Variants in MTMR8 observed in about 807,000 individuals in gnomAD.
MTMR8 encodes the protein phosphatidylinositol-3,5-bisphosphate 3-phosphatase MTMR8.
Under a neutral mutation model 39.3 loss-of-function variants are expected in MTMR8, and 65 were observed. That is an observed-to-expected ratio of 1.65 (90% confidence interval 1.35 to 2.03). The LOEUF (loss-of-function observed/expected upper bound fraction) is 2.03, where lower values mean the gene tolerates loss of function less well. Among genes scored for constraint, MTMR8 ranks in the 30% most tolerant of loss-of-function variants. MTMR8 has a pLI of 0.00. For missense variants in MTMR8, 777 were observed against 538.9 expected (o/e 1.44, Z -4.37); for synonymous variants, 245 against 185.2 (o/e 1.32, Z -2.62).
intron 1 of MTMR8, among the ~76,000 whole-genome samples, chrX:64,375,285 G>A (rs1472113925): frequency 9.1e-6 from 1 of 109,481 alleles, no homozygotes; most frequent in East Asian, 2.9e-4. Context: ...AGCTTGGGAG[G>A]CAGAGACTGC....
chrX:64,339,394 G>C (rs1923159161), intron 8 of MTMR8, among the ~76,000 whole-genome samples: 1 of 111,446 alleles, frequency 9.0e-6, no homozygotes, highest in Non-Finnish European at 1.9e-5. Context: ...GGTCAAAATA[G>C]AGTGAAGACT....
chrX:64,337,374 G>A lies in MTMR8; in HGVS notation c.995C>T (p.Ala332Val). The A allele has an allele frequency of 8.3e-7, 1 of 1,209,318 alleles. No homozygotes were observed. The highest frequency in any genetic ancestry group is 3.0e-5 in the East Asian group (1 of 33,694). Residue 332 changes from alanine to valine, a missense_variant, in exon 9 of 14, where the codon GCC (alanine) becomes GTC (valine). Coordinates refer to ENST00000374852, the MANE Select transcript of MTMR8 (RefSeq NM_017677.4). ...FITKAVKVEKASVLVHCSDGW... is the reference protein window; with the variant it reads ...FITKAVKVEKVSVLVHCSDGW... ...ATCAGAACAATGGACTAAGACACTG[G>A]CCTTTTCTACCTTCACTGCCTGTGA...
At chrX:64,280,867 A>T (rs1322253255) in intron 12 of MTMR8, among the ~76,000 whole-genome samples, 2 of 111,516 alleles carry the variant, frequency 1.8e-5, no homozygotes, top group Non-Finnish European at 1.9e-5. Flanking sequence ...ATACAAAATC[A>T]ATGTGCAAAA....
chrX:64,391,606 A>G (rs902036585), intron 1 of MTMR8, among the ~76,000 whole-genome samples: 6 of 112,190 alleles, frequency 5.3e-5, no homozygotes, highest in Non-Finnish European at 9.4e-5. Flanking sequence ...TTGACTCCCA[A>G]TGTGATATTC....
chrX:64,350,979 A>G (rs780920267), intron 4 of MTMR8, among the ~76,000 whole-genome samples: 25 of 111,900 alleles, frequency 2.2e-4, no homozygotes, highest in Non-Finnish European at 3.8e-4. Flanking sequence ...AAAGGTAGAT[A>G]AGATTAAGAA....
In MTMR8 at chrX:64,348,234, A is replaced by G. The variant is rs754229335; in HGVS notation, c.732+426T>C. Among the ~76,000 whole-genome samples the G allele has an allele frequency of 4.5e-5, 5 of 111,085 alleles. No individual in the cohort carries two copies. The South Asian group carries it at 1.9e-3, about 42-fold the overall frequency. ...TTTGGGAGAACCAAAGTATTATTAA[A>G]TTACTGTGGCCTAACACATTTATAG... On this transcript the variant is annotated intron_variant, in intron 6 of 13. Coordinates refer to ENST00000374852, the MANE Select transcript of MTMR8 (RefSeq NM_017677.4).
At chrX:64,274,524 A>G (rs1340400834) in intron 12 of MTMR8, among the ~76,000 whole-genome samples, 2 of 111,824 alleles carry the variant, frequency 1.8e-5, no homozygotes, top group Non-Finnish European at 3.8e-5. Flanking sequence ...AAAATTAAAA[A>G]TAGAACTACC....
At chrX:64,330,376 G>T (rs943861982) in intron 11 of MTMR8, among the ~76,000 whole-genome samples, 15 of 111,338 alleles carry the variant, frequency 1.3e-4, no homozygotes, top group African/African-American at 4.6e-4. Flanking sequence ...TACAAATGTT[G>T]AAACAGAAAG....
intron 12 of MTMR8, among the ~76,000 whole-genome samples, chrX:64,281,965 T>C (rs560032452): frequency 9.3e-6 from 1 of 107,388 alleles, no homozygotes; most frequent in Admixed American, 9.9e-5. Flanking sequence ...AACAAACATA[T>C]GAAAGAAAGC....
At chrX:64,362,106 T>C (rs781485645) in intron 1 of MTMR8, among the ~76,000 whole-genome samples, 1 of 109,944 alleles carries the variant, frequency 9.1e-6, no homozygotes, top group South Asian at 3.9e-4. Flanking sequence ...ATCTAGAAAT[T>C]AGCTTAATTA....
chrX:64,289,527 C>A (rs1254042855), intron 12 of MTMR8, among the ~76,000 whole-genome samples: 2 of 105,671 alleles, frequency 1.9e-5, no homozygotes, highest in Non-Finnish European at 3.9e-5. Flanking sequence ...GTCCTAGCTA[C>A]TTGGGAGGCT....
At chrX:64,374,869 C>T (rs1924223903) in intron 1 of MTMR8, among the ~76,000 whole-genome samples, 1 of 108,768 alleles carries the variant, frequency 9.2e-6, no homozygotes, top group African/African-American at 3.4e-5. Flanking sequence ...GAAATGGAGG[C>T]AGAGATTGGA....
Position 64,316,855 on chromosome X carries a change from A to G in MTMR8, c.1481+11917T>C, listed in dbSNP as rs965782013. On this transcript the variant is annotated intron_variant, in intron 12 of 13. Transcript: ENST00000374852. ...GCCAGGTGCAGTGGCTCACGGCTGT[A>G]ATCATAGCACTTTGGGAGGTCAAGG... Among the ~76,000 whole-genome samples the G allele has an allele frequency of 1.4e-4, 16 of 110,347 alleles. No homozygotes were observed. In the Admixed American group the frequency reaches 1.5e-3, roughly 10 times the overall value.
At chrX:64,351,751 T>A (rs946564582) in intron 4 of MTMR8, among the ~76,000 whole-genome samples, 1 of 111,489 alleles carries the variant, frequency 9.0e-6, no homozygotes, top group Non-Finnish European at 1.9e-5. Context: ...ACTTGAAGTC[T>A]GATGTTCGAG....
chrX:64,297,899 C>G (rs1402532075), intron 12 of MTMR8, among the ~76,000 whole-genome samples: 1 of 102,344 alleles, frequency 9.8e-6, no homozygotes, highest in Non-Finnish European at 2.0e-5. Context: ...TGTAGGTAGG[C>G]GGCGTTATTT....
At chrX:64,335,984 TCTTC>T (rs1376220559) in intron 10 of MTMR8, 91 bp downstream of exon 10, 1 of 608,840 alleles carries the variant, frequency 1.6e-6, no homozygotes, top group African/African-American at 2.3e-5. Context: ...TTCAACTTCC[TCTTC>T]CTTCCTTTAC....
chrX:64,285,305 G>A (rs1433870041), intron 12 of MTMR8, among the ~76,000 whole-genome samples: 18 of 111,450 alleles, frequency 1.6e-4, no homozygotes, highest in African/African-American at 5.6e-4. Context: ...CAATACAGAA[G>A]CACCCAGATT....
At chrX:64,362,750 A>G (rs1923827096) in intron 1 of MTMR8, among the ~76,000 whole-genome samples, 1 of 110,666 alleles carries the variant, frequency 9.0e-6, no homozygotes, top group Non-Finnish European at 1.9e-5. Flanking sequence ...GTTACTGAAA[A>G]AATGCAGAGT....
At chrX:64,345,325 G>A (rs1923322705) in intron 6 of MTMR8, 148 bp from the exon 7 acceptor site, 4 of 552,934 alleles carry the variant, frequency 7.2e-6, no homozygotes, top group Non-Finnish European at 1.1e-5. Flanking sequence ...GGAATGGAGA[G>A]AATTTCACTA....
Sources: allele counts gnomAD v4.1 joint callset (sites outside exome capture counted in the v4.1 genomes callset), GRCh38; gene constraint gnomAD v4.1.1; transcripts MANE v1.5; gene names NCBI Gene and HGNC (gene_info 2026-07-23, HGNC 2026-07-21).